Variants in NKAIN3 observed in about 807,000 individuals in gnomAD.
NKAIN3 encodes sodium/potassium-transporting ATPase subunit beta-1-interacting protein 3.
In NKAIN3, 25 loss-of-function variants were observed where a neutral mutation model predicts 30.2. The ratio of observed to expected loss-of-function variants is 0.83; its 90% CI spans 0.60 to 1.16. The LOEUF (loss-of-function observed/expected upper bound fraction) is 1.16. Among genes scored for constraint, NKAIN3 ranks in the 50% most tolerant of loss-of-function variants. The pLI is 0.00. For missense variants in NKAIN3, 225 were observed against 254.1 expected (o/e 0.89, Z 0.78); for synonymous variants, 91 against 89.6 (o/e 1.02, Z -0.09).
intron 1 of NKAIN3, among the ~76,000 whole-genome samples, chr8:62,362,861 AT>A (rs1403529734): frequency 2.0e-5 from 3 of 152,156 alleles, no homozygotes; most frequent in African/African-American, 7.2e-5. Flanking sequence ...AAACAGCTGG[AT>A]TGGTTATAGC....
intron 5 of NKAIN3, among the ~76,000 whole-genome samples, chr8:62,998,406 G>T (rs1196020168): frequency 6.6e-6 from 1 of 152,046 alleles, no homozygotes; most frequent in Non-Finnish European, 1.5e-5. Flanking sequence ...CTCCCAAGTA[G>T]CTGGGATTAC....
chr8:62,508,881 A>G (rs148849663), intron 1 of NKAIN3, among the ~76,000 whole-genome samples: 1 of 132,654 alleles, frequency 7.5e-6, no homozygotes, highest in East Asian at 2.5e-4. Flanking sequence ...GTACCCATAT[A>G]ACAAACATCC....
chr8:62,374,113 C>CA (rs66521184), intron 1 of NKAIN3, among the ~76,000 whole-genome samples: 19,390 of 61,402 alleles, frequency 0.32, 3,041 homozygotes, highest in Middle Eastern at 0.37. Flanking sequence ...ACTCCATCTC[C>CA]AAAAAAAAAA....
intron 5 of NKAIN3, among the ~76,000 whole-genome samples, chr8:62,927,493 T>C (rs1822485866): frequency 6.6e-6 from 1 of 152,236 alleles, no homozygotes; most frequent in Admixed American, 6.5e-5. Context: ...TGAATGTTTC[T>C]ACCGTAAAGA....
chr8:62,962,178 G>T (rs185844095), intron 6 of NKAIN3, among the ~76,000 whole-genome samples: 7 of 152,240 alleles, frequency 4.6e-5, no homozygotes, highest in African/African-American at 1.7e-4. Context: ...ATAATAGACT[G>T]GGGGTAGAAA....
intron 4 of NKAIN3, among the ~76,000 whole-genome samples, chr8:62,888,221 C>A (rs1417579024): frequency 6.6e-6 from 1 of 152,128 alleles, no homozygotes; most frequent in Non-Finnish European, 1.5e-5. Context: ...TAGTTTAGGT[C>A]ATGTTTAAAA....
chr8:62,471,308 A>T (rs1806334734), intron 1 of NKAIN3, among the ~76,000 whole-genome samples: 1 of 152,134 alleles, frequency 6.6e-6, no homozygotes, highest in African/African-American at 2.4e-5. Context: ...CTTCTCTAAA[A>T]AAAAAAAATG....
chr8:62,366,848 T>C (rs1260626076), intron 1 of NKAIN3, among the ~76,000 whole-genome samples: 1 of 152,200 alleles, frequency 6.6e-6, no homozygotes, highest in Non-Finnish European at 1.5e-5. Context: ...CCGCCCTCTT[T>C]GAACTGCTTC....
intron 1 of NKAIN3, among the ~76,000 whole-genome samples, chr8:62,340,419 C>A (rs1331572499): frequency 6.6e-6 from 1 of 151,774 alleles, no homozygotes; most frequent in African/African-American, 2.4e-5. Flanking sequence ...TTTCTATTAC[C>A]TGCTTTGGGG....
At chr8:62,960,245 C>T (rs1385534571) in intron 6 of NKAIN3, among the ~76,000 whole-genome samples, 1 of 152,174 alleles carries the variant, frequency 6.6e-6, no homozygotes, top group Non-Finnish European at 1.5e-5. Context: ...AGTGGCCAGT[C>T]ACGTGTCAAA....
At chr8:62,628,206 C>T (rs911141256) in intron 3 of NKAIN3, among the ~76,000 whole-genome samples, 3 of 152,078 alleles carry the variant, frequency 2.0e-5, no homozygotes, top group Non-Finnish European at 4.4e-5. Context: ...GGAAACATCA[C>T]GTAAGGCATG....
chr8:62,541,034 G>C lies in NKAIN3; in HGVS notation c.55-38505G>C, dbSNP rs182555826. On this transcript the variant is annotated intron_variant, in intron 1 of 6. Coordinates refer to ENST00000623646, the MANE Select transcript of NKAIN3 (RefSeq NM_001304533.3). ...GATTAAAAAGTCCAGAGCCAACCAG[G>C]CTCAGTGGCTAATGCTTTTAATCCC... 4.6e-5 allele frequency among the ~76,000 whole-genome samples: 7 copies of C among 152,264 alleles called. No homozygotes were observed. In the East Asian group the frequency reaches 1.2e-3, roughly 25 times the overall value.
chr8:62,813,486 C>G (rs898006560), intron 4 of NKAIN3, among the ~76,000 whole-genome samples: 1 of 132,940 alleles, frequency 7.5e-6, no homozygotes, highest in Non-Finnish European at 1.6e-5. Context: ...AGGCAGCATA[C>G]AGTTGAGTCT....
At chr8:62,829,154 A>T (rs533672388) in intron 4 of NKAIN3, among the ~76,000 whole-genome samples, 53 of 152,334 alleles carry the variant, frequency 3.5e-4, no homozygotes, top group African/African-American at 1.2e-3. Context: ...CTTCAAGAAA[A>T]AGTAGGCTTC....
At chr8:62,611,502 G>T (rs1448642838) in intron 3 of NKAIN3, among the ~76,000 whole-genome samples, 1 of 152,024 alleles carries the variant, frequency 6.6e-6, no homozygotes, top group Non-Finnish European at 1.5e-5. Context: ...ATATTCAATT[G>T]TTTTGATTTT....
At chr8:62,776,838 G>C (rs1817205395) in intron 4 of NKAIN3, among the ~76,000 whole-genome samples, 1 of 152,042 alleles carries the variant, frequency 6.6e-6, no homozygotes. Flanking sequence ...ACTCATTAAT[G>C]ACATTTTCTT....
intron 4 of NKAIN3, among the ~76,000 whole-genome samples, chr8:62,763,027 C>G (rs138613489): frequency 0.081 from 12,212 of 151,646 alleles, 510 homozygotes; most frequent in Non-Finnish European, 0.085. Context: ...TCGAGGCCAT[C>G]CTGGCTAATA....
At chr8:62,668,097 TACACACACACACATAC>T (rs909490560) in intron 3 of NKAIN3, among the ~76,000 whole-genome samples, 2 of 133,482 alleles carry the variant, frequency 1.5e-5, no homozygotes, top group African/African-American at 7.1e-5. Context: ...CACACACACA[TACACACACACACATAC>T]ACACACACAC....
intron 1 of NKAIN3, among the ~76,000 whole-genome samples, chr8:62,578,998 A>G (rs992020160): frequency 6.6e-6 from 1 of 152,092 alleles, no homozygotes; most frequent in African/African-American, 2.4e-5. Flanking sequence ...GGGTGACTAT[A>G]GTCAACAATA....
Sources: allele counts gnomAD v4.1 joint callset (sites outside exome capture counted in the v4.1 genomes callset), GRCh38; gene constraint gnomAD v4.1.1; transcripts MANE v1.5; gene names NCBI Gene and HGNC (gene_info 2026-07-23, HGNC 2026-07-21).